Variants in THADA observed in about 807,000 individuals in gnomAD.
The protein encoded by THADA is tRNA (32-2'-O)-methyltransferase regulator THADA.
THADA carries 213 observed loss-of-function variants against 219.8 expected under a neutral mutation model. The ratio of observed to expected loss-of-function variants is 0.97; its 90% CI spans 0.87 to 1.09. The LOEUF (loss-of-function observed/expected upper bound fraction) is 1.09. THADA is among the 50% of genes least tolerant of loss of function. The pLI, the probability that THADA is intolerant of heterozygous loss-of-function variation, is 0.00. For missense variants in THADA, 2,956 were observed against 2,311.3 expected, an observed-to-expected ratio of 1.28 and a Z score of -5.72; for synonymous variants, 1,018 against 828.9, an observed-to-expected ratio of 1.23 and a Z score of -3.92.
At chr2:43,512,556 G>T (rs1445349271) in intron 22 of THADA, among the ~76,000 whole-genome samples, 2 of 152,244 alleles carry the variant, frequency 1.3e-5, no homozygotes, top group African/African-American at 4.8e-5. Context: ...AGGTTGGAGT[G>T]CAATGGCGCG....
In THADA at chr2:43,388,216, C is replaced by T. The variant is rs1202930442; in HGVS notation, c.4227+9755G>A. Among the ~76,000 whole-genome samples the T allele has an allele frequency of 2.0e-5, 3 of 152,092 alleles. No homozygotes were observed. In the East Asian group the frequency reaches 5.8e-4, roughly 29 times the overall value. On this transcript the variant is annotated intron_variant, in intron 29 of 37. Coordinates refer to ENST00000405975, the MANE Select transcript of THADA (RefSeq NM_022065.5). ...TTGGTTGGGAACCACCAAACAAATC[C>T]CTTCACATTATGGGACCACATACCA...
chr2:43,344,005 A>G (rs1667347914), intron 30 of THADA, 117 bp downstream of exon 30: 8 of 695,802 alleles, frequency 1.1e-5, no homozygotes, highest in East Asian at 2.8e-5. Flanking sequence ...AAATACTCCA[A>G]TAAGTTTAGA....
chr2:43,457,087 G>A (rs574382757), intron 26 of THADA, among the ~76,000 whole-genome samples: 3 of 148,032 alleles, frequency 2.0e-5, no homozygotes, highest in Non-Finnish European at 3.0e-5. Context: ...GCTATGAAGT[G>A]GGATAGAATG....
chr2:43,252,351 A>C (rs77212383), intron 36 of THADA, among the ~76,000 whole-genome samples: 8,272 of 152,324 alleles, frequency 0.054, 326 homozygotes, highest in Non-Finnish European at 0.077. Context: ...CTTTGAAATG[A>C]ACATCAGTAT....
chr2:43,564,851 T>C (rs1698482399), intron 15 of THADA: 3 of 152,208 alleles, frequency 2.0e-5, no homozygotes, highest in Non-Finnish European at 4.4e-5. Flanking sequence ...TGAGACATAT[T>C]CTTCCAAAAT....
chr2:43,438,559 C>T (rs1012462309), intron 26 of THADA, among the ~76,000 whole-genome samples: 1 of 152,100 alleles, frequency 6.6e-6, no homozygotes, highest in African/African-American at 2.4e-5. Context: ...AAGGCTTGTA[C>T]AAGCATATGC....
chr2:43,578,557 A>G lies in THADA; in HGVS notation c.772T>C (p.Phe258Leu). ...QSTSGLAIIL[F>L]IKTMFHPSEK... ...GACGGGTGAAACATAGTCTTAATAA[A>G]AAGAATAATAGCTAATCCAGATGTG... Residue 258 changes from phenylalanine (F) to leucine (L), a missense_variant, in exon 9 of 38, where the codon TTT becomes CTT. Physicochemically the swap from Phe to Leu is conservative, Grantham distance 22. Transcript: ENST00000405975. The G allele has an allele frequency of 1.2e-6, 2 of 1,613,120 alleles. No individual in the cohort carries two copies. Among genetic ancestry groups the G allele is most frequent in the Non-Finnish European group, 1.7e-6 (2 of 1,179,260 alleles).
chr2:43,575,048 A>G, intron 10 of THADA, 21 bp from the exon 11 acceptor site: 1 of 1,565,868 alleles, frequency 6.4e-7, no homozygotes, highest in Non-Finnish European at 8.7e-7. Flanking sequence ...ATGAGCCATG[A>G]GCCATTATTG....
chr2:43,290,578 T>C (rs1412299546), intron 34 of THADA, among the ~76,000 whole-genome samples: 1 of 152,226 alleles, frequency 6.6e-6, no homozygotes, highest in African/African-American at 2.4e-5. Context: ...CACACCTTGT[T>C]ACTAGAGCAT....
At chr2:43,397,061 CA>C (rs1039571811) in intron 29 of THADA, among the ~76,000 whole-genome samples, 46 of 152,172 alleles carry the variant, frequency 3.0e-4, no homozygotes, top group African/African-American at 1.1e-3. Flanking sequence ...ATCCTTATTT[CA>C]AAAATGAAGA....
intron 36 of THADA, among the ~76,000 whole-genome samples, chr2:43,251,384 ATACAAT>A (rs1669792627): frequency 6.6e-6 from 1 of 152,216 alleles, no homozygotes; most frequent in African/African-American, 2.4e-5. Flanking sequence ...AAATGTCCAA[ATACAAT>A]TACATTACAG....
chr2:43,383,829 A>T (rs1242364371), intron 29 of THADA, among the ~76,000 whole-genome samples: 1 of 152,228 alleles, frequency 6.6e-6, no homozygotes, highest in Non-Finnish European at 1.5e-5. Context: ...GTCAATCATT[A>T]AAAAAAGTGA....
chr2:43,593,728 G>C (rs1184561418), intron 1 of THADA, among the ~76,000 whole-genome samples: 1 of 151,438 alleles, frequency 6.6e-6, no homozygotes, highest in Non-Finnish European at 1.5e-5. Context: ...CAGCCTCCTG[G>C]GTTCAGGCCA....
chr2:43,562,256 T>A (rs1698154579), intron 15 of THADA: 1 of 152,328 alleles, frequency 6.6e-6, no homozygotes, highest in African/African-American at 2.4e-5. Context: ...TTTTCTTCTC[T>A]TTTCTTTGAT....
At chr2:43,448,560 C>CTTTTTTTTTTTTTTTTTTTTCTTTTT (rs71410179) in intron 26 of THADA, among the ~76,000 whole-genome samples, 2 of 103,620 alleles carry the variant, frequency 1.9e-5, no homozygotes, top group Non-Finnish European at 3.8e-5. Flanking sequence ...TTCTTCCTTT[C>CTTTTTTTTTTTTTTTTTTTTCTTTTT]TTTTTTTTTT....
At chr2:43,268,203 G>A (rs1021341298) in intron 36 of THADA, among the ~76,000 whole-genome samples, 1 of 152,178 alleles carries the variant, frequency 6.6e-6, no homozygotes, top group Non-Finnish European at 1.5e-5. Flanking sequence ...GACATTCAGG[G>A]AGGGATTTCT....
chr2:43,402,868 G>A (rs1047325509), intron 28 of THADA, among the ~76,000 whole-genome samples: 6 of 152,194 alleles, frequency 3.9e-5, no homozygotes, highest in East Asian at 1.9e-4. Context: ...GAGAGGCGGC[G>A]GAGAGGCAGA....
intron 22 of THADA, among the ~76,000 whole-genome samples, chr2:43,514,355 G>T (rs1690894640): frequency 6.7e-6 from 1 of 150,184 alleles, no homozygotes; most frequent in Non-Finnish European, 1.5e-5. Flanking sequence ...GGAGGCTGAG[G>T]TGGGAGGATC....
rs1573246309 is a variant in THADA, at chr2:43,357,714, A to G, written c.4228-13477T>C. On this transcript the variant is annotated intron_variant, in intron 29 of 37. Coordinates refer to ENST00000405975, the MANE Select transcript of THADA (RefSeq NM_022065.5). ...TGTACAGTCATTATAAAGAAGTTGTAGATTTATATAGACTCAACTGGAAAG... is the reference window on the plus strand; with the variant it reads ...TGTACAGTCATTATAAAGAAGTTGTGGATTTATATAGACTCAACTGGAAAG... Among the ~76,000 whole-genome samples the G allele has an allele frequency of 2.6e-5, 4 of 152,358 alleles. 1 individual carries two copies. In the South Asian group the frequency reaches 8.3e-4, roughly 32 times the overall value.
Sources: gnomAD v4.1 joint callset for allele counts (sites outside exome capture counted in the v4.1 genomes callset) on GRCh38, gnomAD v4.1.1 for gene constraint, MANE v1.5 for transcripts, NCBI Gene and HGNC (gene_info 2026-07-23, HGNC 2026-07-21) for gene names.